INAVA: variants seen among roughly 807,000 people sequenced by gnomAD.
INAVA encodes the protein innate immunity activator.
Under a neutral mutation model 55.3 loss-of-function variants are expected in INAVA, and 32 were observed. The ratio of observed to expected loss-of-function variants is 0.58; its 90% CI spans 0.44 to 0.78. INAVA has a LOEUF of 0.78. INAVA is among the 30% of genes least tolerant of loss of function. The pLI is 0.00. For missense variants in INAVA, 756 were observed against 786.4 expected (o/e 0.96, Z 0.46); for synonymous variants, 294 against 329.4 (o/e 0.89, Z 1.16).
At chr1:200,905,532 C>T (rs1653451361) in intron 5 of INAVA, among the ~76,000 whole-genome samples, 1 of 152,186 alleles carries the variant, frequency 6.6e-6, no homozygotes, top group Non-Finnish European at 1.5e-5. Context: ...GCCTAGGCAA[C>T]ATTGTAACAA....
upstream of INAVA, chr1:200,891,630 A>G (rs1390986006): frequency 2.0e-6 from 3 of 1,524,136 alleles, no homozygotes; most frequent in South Asian, 1.3e-5. Context: ...CTGGACAAAC[A>G]GGTCCTGAAG....
In INAVA at chr1:200,913,643, G is replaced by A. The variant is rs376200280; in HGVS notation, c.*14G>A. 259 of 1,608,730 alleles carry A rather than the reference G, an allele frequency of 1.6e-4. No individual in the cohort carries two copies. The African/African-American group carries it at 1.7e-3, about 11-fold the overall frequency. The stretch of plus-strand genomic sequence containing the variant: ...AGCCAGGTGTAACTCTGCGCCCCAC[G>A]CTGGAAAAAACTGTTTCATAGAGGG... On this transcript the variant is annotated 3_prime_UTR_variant, in exon 10 of 10. Coordinates refer to ENST00000413687, the MANE Select transcript of INAVA (RefSeq NM_001142569.3).
chr1:200,902,110 G>A (rs972086007), intron 5 of INAVA, among the ~76,000 whole-genome samples: 18 of 152,244 alleles, frequency 1.2e-4, no homozygotes, highest in African/African-American at 3.1e-4. Context: ...GAATGAGGCC[G>A]TGGCCCTGCA....
chr1:200,899,382 T>C, intron 2 of INAVA, 91 bp from the exon 3 acceptor site: 1 of 1,521,880 alleles, frequency 6.6e-7, no homozygotes, highest in Non-Finnish European at 9.0e-7. Flanking sequence ...TGCATGTGTG[T>C]GCATGTGCAT....
At chr1:200,908,147 T>G (rs1237205052) in intron 6 of INAVA, 1 of 406,394 alleles carries the variant, frequency 2.5e-6, no homozygotes, top group African/African-American at 2.0e-5. Context: ...AGAGAGCTGA[T>G]CAACCCCAGA....
At chr1:200,892,264 T>C (rs1279081038), upstream of INAVA, among the ~76,000 whole-genome samples, 1 of 152,188 alleles carries the variant, frequency 6.6e-6, no homozygotes, top group African/African-American at 2.4e-5. Context: ...CGCTGGCCAT[T>C]GATTCCTTAA....
intron 1 of INAVA, among the ~76,000 whole-genome samples, chr1:200,897,911 C>T (rs975957028): frequency 1.3e-5 from 2 of 152,164 alleles, no homozygotes; most frequent in African/African-American, 4.8e-5. Flanking sequence ...CGTGAGCCAC[C>T]ATGCTGGGCT....
chr1:200,912,861 C>G (rs984628062), intron 9 of INAVA, among the ~76,000 whole-genome samples: 2 of 152,116 alleles, frequency 1.3e-5, no homozygotes, highest in African/African-American at 4.8e-5. Flanking sequence ...CCACAGAGGC[C>G]AGGGAGCAGG....
At chr1:200,907,954 C>A in intron 6 of INAVA, 67 bp downstream of exon 6, 1 of 1,395,250 alleles carries the variant, frequency 7.2e-7, no homozygotes, top group East Asian at 2.3e-5. Context: ...GGGGTTTGGG[C>A]AGTTTGCTGG....
intron 6 of INAVA, chr1:200,908,362 C>T (rs1653577836): frequency 9.5e-6 from 2 of 209,854 alleles, no homozygotes; most frequent in East Asian, 2.4e-4. Context: ...AGGGGAGTGC[C>T]CAAGCCAATA....
chr1:200,900,862 T>C, intron 4 of INAVA, 75 bp from the exon 5 acceptor site: 1 of 1,164,136 alleles, frequency 8.6e-7, no homozygotes, highest in Non-Finnish European at 1.2e-6. Context: ...GAGCACTGTG[T>C]CAGGGCTGCT....
chr1:200,907,109 AC>A (rs1367012183), intron 5 of INAVA, among the ~76,000 whole-genome samples: 1 of 152,046 alleles, frequency 6.6e-6, no homozygotes, highest in Non-Finnish European at 1.5e-5. Context: ...ACAGGCATGA[AC>A]CACCGCGCCT....
At position 200,911,742 on chromosome 1, in the gene INAVA, G is replaced by A. The variant is rs768109621; in HGVS notation, c.1249G>A (p.Glu417Lys). 1 of 1,612,104 alleles carries A rather than the reference G, an allele frequency of 6.2e-7. No individual in the cohort carries two copies. The highest frequency in any genetic ancestry group is 1.1e-5 in the South Asian group (1 of 90,946). The change falls in exon 9 of 10, where the codon GAG becomes AAG. Residue 417 changes from glutamate (E) to lysine (K), a missense_variant. Around this residue, in one of 2 missense-constraint regions of INAVA, gnomAD observed 639 missense variants for 624.3 expected, o/e 1.02. Transcript: ENST00000413687. ...GGCCTGGGTCCCAGCCGGCAGCAGAGAGCTGGTCGCCCACCACCCCAAGCT... is the reference window on the plus strand; with the variant it reads ...GGCCTGGGTCCCAGCCGGCAGCAGAAAGCTGGTCGCCCACCACCCCAAGCT... ...RGAWVPAGSR[E>K]LVAHHPKLLL...
chr1:200,895,396 T>C (rs1668323029), intron 1 of INAVA, among the ~76,000 whole-genome samples: 1 of 151,922 alleles, frequency 6.6e-6, no homozygotes, highest in Non-Finnish European at 1.5e-5. Context: ...TGAGGGAAGG[T>C]GCTCTGGAGT....
Position 200,911,672 on chromosome 1 carries a change from C to T in INAVA, c.1179C>T (p.Ser393=), listed in dbSNP as rs1653735486. The stretch of plus-strand genomic sequence containing the variant: ...CGGGCAGCAGCAGCCCCGACATCTC[C>T]TTTCTGCAGCCTCTCTCCCCTCCCA... The part of the protein sequence containing the change: ...TSPGSSSPDI[S]FLQPLSPPKT... The change falls in exon 9 of 10, where the codon TCC becomes TCT. Residue 393 remains serine (S), a synonymous_variant. Coordinates refer to ENST00000413687, the MANE Select transcript of INAVA (RefSeq NM_001142569.3). The T allele has an allele frequency of 6.2e-7, 1 of 1,614,074 alleles. No individual in the cohort carries two copies. The highest frequency in any genetic ancestry group is 8.5e-7 in the Non-Finnish European group (1 of 1,179,970).
Position 200,913,555 on chromosome 1 carries a change from C to T in INAVA, c.1663C>T (p.Leu555=). 1.2e-6 allele frequency: 2 copies of T among 1,614,094 alleles called. No individual in the cohort carries two copies. Among genetic ancestry groups the T allele is most frequent in the Admixed American group, 1.7e-5 (1 of 60,010 alleles). Residue 555 remains leucine, a synonymous_variant, in exon 10 of 10, where the codon CTG becomes TTG. Transcript: ENST00000413687. The part of the protein sequence containing the change: ...PRAQVPTVCV[L]RRSPDGAPVQ... Reference sequence around the variant, plus strand: ...CTGGCAGGTGCCCACAGTTTGTGTGCTGCGGAGATCGCCTGATGGGGCCCC... The same window carrying T: ...CTGGCAGGTGCCCACAGTTTGTGTGTTGCGGAGATCGCCTGATGGGGCCCC...
chr1:200,909,451 G>T, intron 8 of INAVA, 54 bp downstream of exon 8: 2 of 1,401,098 alleles, frequency 1.4e-6, no homozygotes, highest in Non-Finnish European at 1.9e-6. Flanking sequence ...CTTATCGTTG[G>T]AGGGTGGGAG....
upstream of INAVA, among the ~76,000 whole-genome samples, chr1:200,893,222 C>T (rs768835453): frequency 3.0e-4 from 45 of 152,268 alleles, no homozygotes; most frequent in Non-Finnish European, 5.1e-4. Context: ...ACACTCAGCC[C>T]TTGTGTGAAA....
intron 9 of INAVA, among the ~76,000 whole-genome samples, chr1:200,913,292 G>A (rs1653823031): frequency 6.6e-6 from 1 of 152,218 alleles, no homozygotes; most frequent in Non-Finnish European, 1.5e-5. Flanking sequence ...CCCAGGAAAG[G>A]TGGGGGAGGA....
Sources: allele counts gnomAD v4.1 joint callset (sites outside exome capture counted in the v4.1 genomes callset), GRCh38; gene constraint gnomAD v4.1.1; regional missense constraint gnomAD v4.1.1; transcripts MANE v1.5; gene names NCBI Gene and HGNC (gene_info 2026-07-23, HGNC 2026-07-21).